The following INKA2 variants were observed in gnomAD, a reference collection of about 807,000 sequenced individuals.
The protein encoded by INKA2 is PAK4-inhibitor INKA2.
A neutral mutation model predicts 9.8 loss-of-function variants in INKA2; 3 were observed. The observed-to-expected ratio is 0.31, with a 90% CI of 0.14 to 0.79. The LOEUF (loss-of-function observed/expected upper bound fraction) is 0.79. INKA2 is among the 30% of genes least tolerant of loss of function. INKA2 has a pLI of 0.62. For synonymous variants in INKA2, 147 were observed against 143.3 expected (o/e 1.03, Z -0.18); for missense variants, 392 against 384.4 (o/e 1.02, Z -0.17).
intron 1 of INKA2, chr1:111,755,374 A>C (rs1444278640): frequency 4.7e-6 from 2 of 422,388 alleles, no homozygotes; most frequent in Non-Finnish European, 8.4e-6. Flanking sequence ...TGCACAGCAG[A>C]TGGACACACC....
At chr1:111,750,591 C>G (rs2886343) in intron 1 of INKA2, among the ~76,000 whole-genome samples, 21,194 of 152,164 alleles carry the variant, frequency 0.14, 1,542 homozygotes, top group Admixed American at 0.19. Flanking sequence ...AGGGGTGGCA[C>G]TGGCACTTGG....
chr1:111,740,971 T>TAAAAAAA (rs869221820), upstream of INKA2, among the ~76,000 whole-genome samples: 82 of 38,404 alleles, frequency 2.1e-3, 39 homozygotes, highest in Middle Eastern at 0.03. Flanking sequence ...AAACTCCGTT[T>TAAAAAAA]AAAAAAAAAA....
At chr1:111,729,918 G>A (rs1473786998) in intron 1 of INKA2, among the ~76,000 whole-genome samples, 2 of 152,370 alleles carry the variant, frequency 1.3e-5, no homozygotes, top group Non-Finnish European at 2.9e-5. Flanking sequence ...TGCCCTTGAG[G>A]GCAAGGAGGC....
At chr1:111,747,487 T>G (rs1365825204) in intron 1 of INKA2, 1 of 152,326 alleles carries the variant, frequency 6.6e-6, no homozygotes, top group Non-Finnish European at 1.5e-5. Context: ...GCCAGCTCTC[T>G]CACCTAGCTT....
At chr1:111,735,037 T>C (rs186208933) in intron 1 of INKA2, among the ~76,000 whole-genome samples, 5 of 152,384 alleles carry the variant, frequency 3.3e-5, no homozygotes, top group Admixed American at 1.3e-4. Flanking sequence ...CATGTCTTTA[T>C]TGACTCATTC....
intron 1 of INKA2, chr1:111,755,619 G>A: frequency 6.3e-7 from 1 of 1,577,322 alleles, no homozygotes; most frequent in Non-Finnish European, 8.7e-7. Flanking sequence ...GGGCGGCTCC[G>A]CCCAGAAGAG....
rs542508905 is a variant in INKA2, at chr1:111,735,741, C to A, written c.57+3445G>T. 3.9e-5 allele frequency among the ~76,000 whole-genome samples: 6 copies of A among 152,356 alleles called. No homozygotes were observed. The East Asian group carries it at 9.6e-4, about 24-fold the overall frequency. The stretch of plus-strand genomic sequence containing the variant: ...CCTACTGTATCTTCTCCATCTCCTA[C>A]TTTTCTTCTCCTTATTTTGCCTTCA... On this transcript the variant is annotated intron_variant, in intron 1 of 1. Transcript: ENST00000357260.
chr1:111,746,973 A>T (rs1663287559), intron 1 of INKA2: 1 of 152,240 alleles, frequency 6.6e-6, no homozygotes, highest in Non-Finnish European at 1.5e-5. Context: ...AAAGTTTAAA[A>T]ATTACTAACA....
At chr1:111,752,726 C>T (rs1158964036) in intron 1 of INKA2, among the ~76,000 whole-genome samples, 1 of 151,696 alleles carries the variant, frequency 6.6e-6, no homozygotes, top group Non-Finnish European at 1.5e-5. Context: ...CGGAGTCTCG[C>T]TCTGTTGCCC....
chr1:111,737,347 C>T (rs536066322), intron 1 of INKA2, among the ~76,000 whole-genome samples: 21 of 152,244 alleles, frequency 1.4e-4, no homozygotes, highest in East Asian at 9.7e-4. Flanking sequence ...TCTTCCTCCC[C>T]TCACCACCTC....
chr1:111,741,341 C>T (rs1301708876), upstream of INKA2, among the ~76,000 whole-genome samples: 1 of 152,232 alleles, frequency 6.6e-6, no homozygotes. Context: ...GACCGCTGGC[C>T]AAGCCCAGGC....
chr1:111,751,641 A>G (rs1663414504), intron 1 of INKA2, among the ~76,000 whole-genome samples: 1 of 151,990 alleles, frequency 6.6e-6, no homozygotes, highest in African/African-American at 2.4e-5. Flanking sequence ...CCAGACACCA[A>G]CCTGGCCTAC....
Position 111,723,482 on chromosome 1 carries a change from G to A in INKA2, c.*3486C>T. On this transcript the variant is annotated 3_prime_UTR_variant, in exon 2 of 2. Transcript: ENST00000357260. ...TGTTCCCTGGGCCACAAAGAAGCAGGTGGAACCTTCCACAGATACCTGGGC... is the reference window on the plus strand; with the variant it reads ...TGTTCCCTGGGCCACAAAGAAGCAGATGGAACCTTCCACAGATACCTGGGC... The A allele has an allele frequency of 3.8e-6, 1 of 260,954 alleles. No homozygotes were observed. The highest frequency in any genetic ancestry group is 7.3e-6 in the Non-Finnish European group (1 of 137,872). 16.2% of individuals were successfully genotyped at this position (260,954 alleles called of 1,614,324 possible).
At position 111,745,265 on chromosome 1, in the gene INKA2, T is replaced by TTTTATATATATATATA. The variant is rs1553232613; in HGVS notation, n.124+10435_124+10436insTATATATATATATAAA. On this transcript the variant is annotated intron_variant and non_coding_transcript_variant, in intron 1 of 1. Coordinates refer to the INKA2 transcript ENST00000444059. ...ACACACACACACACACACAGAGATA[T>TTTTATATATATATATA]TATATATATATATATATATATATAT... The TTTTATATATATATATA allele has an allele frequency of 4.0e-3, 179 of 45,074 alleles. 13 individuals carry two copies. The highest frequency in any genetic ancestry group is 0.02 in the Middle Eastern group (1 of 50). 2.8% of individuals were successfully genotyped at this position (45,074 alleles called of 1,614,324 possible).
In INKA2 at chr1:111,725,078, C is replaced by T. The variant is rs1662737804; in HGVS notation, c.*1890G>A. 1.3e-5 allele frequency: 2 copies of T among 152,174 alleles called. 1 individual carries two copies. The highest frequency in any genetic ancestry group is 4.1e-4 in the South Asian group (2 of 4,824). 9.4% of individuals were successfully genotyped at this position (152,174 alleles called of 1,614,324 possible). ...TTGACTGGGTAGGATTTGAGAGTGACCCTAACCACCGCGGCTGCGCCCCCA... is the reference window on the plus strand; with the variant it reads ...TTGACTGGGTAGGATTTGAGAGTGATCCTAACCACCGCGGCTGCGCCCCCA... On this transcript the variant is annotated 3_prime_UTR_variant, in exon 2 of 2. Transcript: ENST00000357260.
At chr1:111,748,084 G>A (rs1292709765) in intron 1 of INKA2, among the ~76,000 whole-genome samples, 1 of 152,250 alleles carries the variant, frequency 6.6e-6, no homozygotes, top group Admixed American at 6.5e-5. Flanking sequence ...GTAATATGAA[G>A]ATGTTACAAT....
chr1:111,728,907 T>TTTTTTC (rs1481212837), intron 1 of INKA2, among the ~76,000 whole-genome samples: 1 of 149,060 alleles, frequency 6.7e-6, no homozygotes. Flanking sequence ...GCTAGGCTTT[T>TTTTTTC]TTTTTTTTTT....
intron 1 of INKA2, among the ~76,000 whole-genome samples, chr1:111,750,785 C>A (rs1341445102): frequency 2.0e-5 from 3 of 152,180 alleles, no homozygotes; most frequent in African/African-American, 7.2e-5. Flanking sequence ...ACATTTCCAG[C>A]TGTATTTCTC....
chr1:111,722,269 C>T lies in INKA2; in HGVS notation c.*4699G>A, dbSNP rs1662665886. On this transcript the variant is annotated 3_prime_UTR_variant, in exon 2 of 2. Coordinates refer to ENST00000357260, the MANE Select transcript of INKA2 (RefSeq NM_019099.5). Reference sequence around the variant, plus strand: ...GGTGGGCTTCACAGATTCCTCCACCCCATCAGGAGGGAATGGATTTTAGGA... The same window carrying T: ...GGTGGGCTTCACAGATTCCTCCACCTCATCAGGAGGGAATGGATTTTAGGA... 6.6e-6 allele frequency: 1 copy of T among 152,360 alleles called. No homozygotes were observed. The highest frequency in any genetic ancestry group is 1.5e-5 in the Non-Finnish European group (1 of 68,046). 9.4% of individuals were successfully genotyped at this position (152,360 alleles called of 1,614,324 possible). A position where few individuals can be genotyped will look rare whatever the true frequency, so the allele number is the denominator to read the frequency against.
Sources: allele counts gnomAD v4.1 joint callset (sites outside exome capture counted in the v4.1 genomes callset), GRCh38; gene constraint gnomAD v4.1.1; transcripts MANE v1.5; gene names NCBI Gene and HGNC (gene_info 2026-07-23, HGNC 2026-07-21).